The following RRM2 variants were observed in gnomAD, a reference collection of about 807,000 sequenced individuals.
RRM2 encodes the protein ribonucleotide reductase regulatory subunit M2.
In RRM2, 6 loss-of-function variants were observed where a neutral mutation model predicts 45.9. That is an observed-to-expected ratio of 0.13 (90% CI 0.07 to 0.26). The LOEUF (loss-of-function observed/expected upper bound fraction) is 0.26, where lower values mean the gene tolerates loss of function less well. RRM2 is among the 10% of genes least tolerant of loss of function. The probability of loss-of-function intolerance (pLI) is 1.00; values close to 1 mark genes in which losing one functional copy is unlikely to be tolerated. For missense variants in RRM2, 343 were observed against 489.5 expected, an observed-to-expected ratio of 0.70 and a Z score of 2.82; for synonymous variants, 177 against 173.0, an observed-to-expected ratio of 1.02 and a Z score of -0.18.
chr2:10,167,081 T>C (rs1044183883), intron 3 of RRM2, among the ~76,000 whole-genome samples: 5 of 152,180 alleles, frequency 3.3e-5, no homozygotes, highest in Admixed American at 1.3e-4. Context: ...GATTCAGGCA[T>C]GTGACACCTG....
rs1405770958 is a variant in RRM2, at chr2:10,142,795, C to T, written n.482+420C>T. Among the ~76,000 whole-genome samples, 3 of 152,248 alleles carry T rather than the reference C, an allele frequency of 2.0e-5. No individual in the cohort carries two copies. The East Asian group carries it at 5.8e-4, about 29-fold the overall frequency. ...CCCCTCCCCTCACCGCAGCTCTCGG[C>T]CCTGCCTGAGCCCAGGTGCCCGCGG... On this transcript the variant is annotated intron_variant and non_coding_transcript_variant, in intron 3 of 3. Coordinates refer to the RRM2 transcript ENST00000381786.
At chr2:10,202,807 A>G (rs1263358383) in intron 3 of RRM2, among the ~76,000 whole-genome samples, 2 of 152,134 alleles carry the variant, frequency 1.3e-5, no homozygotes, top group African/African-American at 4.8e-5. Context: ...CAAGATGGTG[A>G]TGCTCCTGCT....
At chr2:10,159,239 A>G (rs1174416242) in intron 3 of RRM2, among the ~76,000 whole-genome samples, 1 of 152,196 alleles carries the variant, frequency 6.6e-6, no homozygotes, top group East Asian at 1.9e-4. Flanking sequence ...AGAGCTGTAA[A>G]CAGTGGCTAC....
At chr2:10,170,086 G>T (rs985650268) in intron 3 of RRM2, among the ~76,000 whole-genome samples, 6 of 152,148 alleles carry the variant, frequency 3.9e-5, no homozygotes, top group African/African-American at 1.4e-4. Context: ...CAGAGAGAAG[G>T]AGGTGCCTTT....
chr2:10,203,836 G>A (rs74779262), intron 3 of RRM2, among the ~76,000 whole-genome samples: 131 of 152,144 alleles, frequency 8.6e-4, no homozygotes, highest in Non-Finnish European at 1.5e-3. Flanking sequence ...CCAAGGGGAT[G>A]GGGCTCACGG....
Position 10,130,575 on chromosome 2 carries a change from A to T in RRM2, c.*1189A>T, listed in dbSNP as rs1489278811. ...GGGGGATCTTAAACTTTAGTAGGAA[A>T]CCATGAGCTGTTAATACAGTTTCCA... On this transcript the variant is annotated 3_prime_UTR_variant, in exon 10 of 10. Coordinates refer to ENST00000304567, the MANE Select transcript of RRM2 (RefSeq NM_001034.4). The T allele has an allele frequency of 6.6e-6, 1 of 152,126 alleles. No individual in the cohort carries two copies. Among genetic ancestry groups the T allele is most frequent in the African/African-American group, 2.4e-5 (1 of 41,434 alleles). 9.4% of individuals were successfully genotyped at this position (152,126 alleles called of 1,614,324 possible).
intron 3 of RRM2, among the ~76,000 whole-genome samples, chr2:10,207,842 C>A (rs1263875364): frequency 6.6e-6 from 1 of 151,944 alleles, no homozygotes; most frequent in Non-Finnish European, 1.5e-5. Context: ...CTGGATCCTC[C>A]TTTGGATTTT....
In RRM2 at chr2:10,199,792, A is replaced by AC. The variant is rs1386257156; in HGVS notation, n.483-10519_483-10518insC. Reference sequence around the variant, plus strand: ...GAGACTCAGTCTCAAAAAAAAAAAAAAAAAAAAAAAAAAAAAACAAATCAT... The same window carrying AC: ...GAGACTCAGTCTCAAAAAAAAAAAAACAAAAAAAAAAAAAAAAACAAATCAT... On this transcript the variant is annotated intron_variant and non_coding_transcript_variant, in intron 3 of 3. Coordinates refer to the RRM2 transcript ENST00000381786. 2.1e-3 allele frequency among the ~76,000 whole-genome samples: 241 copies of AC among 113,270 alleles called. 9 individuals carry two copies. The highest frequency in any genetic ancestry group is 5.3e-3 in the Middle Eastern group (1 of 190). 74.3% of individuals were successfully genotyped at this position (113,270 alleles called of 152,430 possible).
chr2:10,156,947 G>A (rs1051069665), intron 3 of RRM2, among the ~76,000 whole-genome samples: 1 of 151,266 alleles, frequency 6.6e-6, no homozygotes, highest in Non-Finnish European at 1.5e-5. Flanking sequence ...CCCAGCCAGA[G>A]GAACGTTTCA....
Position 10,123,371 on chromosome 2 carries a change from T to C in RRM2, c.175-16T>C, listed in dbSNP as rs371700483. The C allele has an allele frequency of 5.6e-6, 9 of 1,597,616 alleles. No homozygotes were observed. Among genetic ancestry groups the C allele is most frequent in the Non-Finnish European group, 6.0e-6 (7 of 1,174,972 alleles). ...GTTCGCCCGGTACTTAAATGTTTTA[T>C]TTTCTCCCCCAACAGAAAACTAAAG... On this transcript the variant is annotated splice_polypyrimidine_tract_variant and intron_variant, in intron 2 of 9. Transcript: ENST00000304567.
chr2:10,208,947 T>C (rs1429397922), intron 3 of RRM2, among the ~76,000 whole-genome samples: 23 of 152,098 alleles, frequency 1.5e-4, no homozygotes. Context: ...CCCTCCCACG[T>C]GCTGGATCCT....
downstream of RRM2, among the ~76,000 whole-genome samples, chr2:10,135,073 A>T (rs1662967414): frequency 6.6e-6 from 1 of 152,246 alleles, no homozygotes; most frequent in South Asian, 2.1e-4. Context: ...GGACAAAATT[A>T]TTATTCAGAA....
At chr2:10,173,475 C>T (rs10929636) in intron 3 of RRM2, among the ~76,000 whole-genome samples, 48,101 of 152,042 alleles carry the variant, frequency 0.32, 7,871 homozygotes, top group South Asian at 0.5. Flanking sequence ...AGTTCCAGCA[C>T]CCCCGCAAAC....
intron 3 of RRM2, among the ~76,000 whole-genome samples, chr2:10,193,594 C>T (rs2125329982): frequency 6.6e-6 from 1 of 152,370 alleles, no homozygotes; most frequent in Admixed American, 6.5e-5. Context: ...GGGCACAGCT[C>T]TGAGGCGGTC....
chr2:10,197,410 C>A (rs917386892), intron 3 of RRM2, among the ~76,000 whole-genome samples: 4 of 152,318 alleles, frequency 2.6e-5, no homozygotes, highest in African/African-American at 9.6e-5. Flanking sequence ...GACTCCTGGG[C>A]ACAGGGGCTG....
rs189129962 is a variant in RRM2, at chr2:10,125,635, G to A, written c.569+785G>A. Among the ~76,000 whole-genome samples, 64 of 152,186 alleles carry A rather than the reference G, an allele frequency of 4.2e-4. No individual in the cohort carries two copies. In the East Asian group the frequency reaches 0.011, roughly 26 times the overall value. Reference sequence around the variant, plus strand: ...CGTGAACCCGGGAGGCGGAGCTTGCGCTCCAGCCTGGGTGACAGAGCAAGA... The same window carrying A: ...CGTGAACCCGGGAGGCGGAGCTTGCACTCCAGCCTGGGTGACAGAGCAAGA... On this transcript the variant is annotated intron_variant, in intron 5 of 9. Transcript: ENST00000304567.
chr2:10,188,724 G>C (rs1053979376), intron 3 of RRM2, among the ~76,000 whole-genome samples: 2 of 152,034 alleles, frequency 1.3e-5, no homozygotes, highest in East Asian at 3.9e-4. Flanking sequence ...GGCATGGGGG[G>C]CATTTGTGGG....
At chr2:10,164,009 C>CGTGTGT (rs370774780) in intron 3 of RRM2, among the ~76,000 whole-genome samples, 3 of 150,056 alleles carry the variant, frequency 2.0e-5, no homozygotes, top group Non-Finnish European at 4.4e-5. Flanking sequence ...TGAATGTGTG[C>CGTGTGT]GTGTGTGTGT....
downstream of RRM2, among the ~76,000 whole-genome samples, chr2:10,132,263 A>G (rs13392622): frequency 0.51 from 77,179 of 152,068 alleles, 20,197 homozygotes; most frequent in East Asian, 0.67. Context: ...ATGGGGCGCT[A>G]AGCCAGAGGG....
Sources: allele counts gnomAD v4.1 joint callset (sites outside exome capture counted in the v4.1 genomes callset), GRCh38; gene constraint gnomAD v4.1.1; transcripts MANE v1.5; gene names NCBI Gene and HGNC (gene_info 2026-07-23, HGNC 2026-07-21).